Variants in PHEX observed in about 807,000 individuals in gnomAD.
The protein encoded by PHEX is phosphate-regulating neutral endopeptidase PHEX.
Under a neutral mutation model 68.0 loss-of-function variants are expected in PHEX, and 16 were observed. The ratio of observed to expected loss-of-function variants is 0.24; its 90% CI spans 0.16 to 0.36. The LOEUF is 0.36. Among genes scored for constraint, PHEX ranks in the 10% least tolerant of loss-of-function variants. PHEX has a pLI of 1.00. For synonymous variants in PHEX, 208 were observed against 205.1 expected, an observed-to-expected ratio of 1.01 and a Z score of -0.12; for missense variants, 480 against 575.5, an observed-to-expected ratio of 0.83 and a Z score of 1.70.
intron 19 of PHEX, among the ~76,000 whole-genome samples, chrX:22,227,086 T>C (rs1289502927): frequency 8.9e-6 from 1 of 112,498 alleles, no homozygotes. Flanking sequence ...TATATTCTAG[T>C]TGAAATATAC....
rs56273956 is a variant in PHEX, at chrX:22,144,749, G to GAA, written c.1404+11136_1404+11137dup. Among the ~76,000 whole-genome samples the GAA allele has an allele frequency of 4.9e-3, 480 of 97,853 alleles. 2 individuals carry two copies. The highest frequency in any genetic ancestry group is 0.013 in the African/African-American group (357 of 27,103). 85.0% of individuals were successfully genotyped at this position (97,853 alleles called of 115,157 possible). A position where few individuals can be genotyped will look rare whatever the true frequency, so the allele number is the denominator to read the frequency against. On this transcript the variant is annotated intron_variant, in intron 12 of 21. Transcript: ENST00000379374. ...CAAAATTGTTTGCTTTCTTTTTTTT[G>GAA]AAAAAAAAAAAATGGTTGATTTGAA...
intron 20 of PHEX, among the ~76,000 whole-genome samples, chrX:22,228,977 C>G (rs5951730): frequency 0.078 from 8,674 of 111,115 alleles, 306 homozygotes; most frequent in East Asian, 0.22. Context: ...TGAGAACATG[C>G]GGGGTTTGGT....
At chrX:22,084,539 GTTTT>G (rs76410908) in intron 5 of PHEX, among the ~76,000 whole-genome samples, 1,754 of 75,801 alleles carry the variant, frequency 0.023, 59 homozygotes, top group African/African-American at 0.08. Flanking sequence ...CTTCTCTTCA[GTTTT>G]TTTTTTTTTT....
At position 22,133,628 on chromosome X, in the gene PHEX, A is replaced by G; in HGVS notation, c.1404+4A>G. 8.6e-7 allele frequency: 1 copy of G among 1,156,197 alleles called. No homozygotes were observed. The highest frequency in any genetic ancestry group is 3.0e-5 in the East Asian group (1 of 33,609). ...GAAAAGGAAAGCCAAAGAAAAGGTAAGGATTCCTTTTGATGAAAAAAAAAT... is the reference window on the plus strand; with the variant it reads ...GAAAAGGAAAGCCAAAGAAAAGGTAGGGATTCCTTTTGATGAAAAAAAAAT... On this transcript the variant is annotated splice_donor_region_variant and intron_variant, in intron 12 of 21. Coordinates refer to ENST00000379374, the MANE Select transcript of PHEX (RefSeq NM_000444.6).
At chrX:22,208,837 T>C (rs1261179355) in intron 15 of PHEX, among the ~76,000 whole-genome samples, 1 of 112,213 alleles carries the variant, frequency 8.9e-6, no homozygotes, top group Non-Finnish European at 1.9e-5. Flanking sequence ...CACTGTGCTA[T>C]GCAAAAGTAT....
rs3085228 is a variant in PHEX, at chrX:22,185,756, G to GT, written c.1587-4671dup. Among the ~76,000 whole-genome samples the GT allele has an allele frequency of 2.3e-3, 202 of 87,751 alleles. 3 individuals are homozygous for GT. The South Asian group carries it at 0.024, about 11-fold the overall frequency. The allele number at this position is 87,751 out of a possible 115,157, so 76.2% of individuals were successfully genotyped here. ...CTCAGCTGCATGGTTCTCGTTTGTGGTTTTTTTTTTTTTTTTTGGACACAG... is the reference window on the plus strand; with the variant it reads ...CTCAGCTGCATGGTTCTCGTTTGTGGTTTTTTTTTTTTTTTTTTGGACACAG... On this transcript the variant is annotated intron_variant, in intron 14 of 21. Transcript: ENST00000379374.
chrX:22,222,151 C>T lies in PHEX; in HGVS notation c.1899+408C>T, dbSNP rs1164736694. On this transcript the variant is annotated intron_variant, in intron 18 of 21. Transcript: ENST00000379374. Reference sequence around the variant, plus strand: ...CCACTGCTCATTCAGGCAGAGAAACCAGAGTCTGTATCCTTGAATGGTGTC... The same window carrying T: ...CCACTGCTCATTCAGGCAGAGAAACTAGAGTCTGTATCCTTGAATGGTGTC... Among the ~76,000 whole-genome samples the T allele has an allele frequency of 2.7e-5, 3 of 111,808 alleles. No homozygotes were observed. The East Asian group carries it at 8.4e-4, about 31-fold the overall frequency.
rs183230220 is a variant in PHEX, at chrX:22,057,539, C to G, written c.349+10328C>G. Among the ~76,000 whole-genome samples the G allele has an allele frequency of 2.0e-3, 216 of 109,917 alleles. 1 individual carries two copies. The highest frequency in any genetic ancestry group is 7.0e-3 in the African/African-American group (211 of 29,999). ...TGGGGAGGCCAAGGTTGCAGTGAGC[C>G]AAGACTGCACAACTGCACTTCATCC... On this transcript the variant is annotated intron_variant, in intron 3 of 21. Transcript: ENST00000379374.
chrX:22,213,098 T>A (rs1402332486), intron 16 of PHEX, 140 bp downstream of exon 16: 15 of 525,356 alleles, frequency 2.9e-5, no homozygotes, highest in Non-Finnish European at 5.1e-5. Context: ...TGTACTCTTA[T>A]CATTTTAGGT....
intron 12 of PHEX, among the ~76,000 whole-genome samples, chrX:22,139,077 T>C (rs1199073346): frequency 1.8e-5 from 2 of 112,265 alleles, no homozygotes; most frequent in Non-Finnish European, 3.8e-5. Context: ...CCTTATTGAC[T>C]GTATGACCCT....
intron 18 of PHEX, among the ~76,000 whole-genome samples, chrX:22,223,663 T>G (rs1250887391): frequency 2.1e-5 from 2 of 94,009 alleles, no homozygotes; most frequent in African/African-American, 7.5e-5. Context: ...GTGGAAGAAT[T>G]GTTGGAACCC....
chrX:22,076,988 A>G (rs1192704426), intron 4 of PHEX, among the ~76,000 whole-genome samples: 1 of 112,174 alleles, frequency 8.9e-6, no homozygotes, highest in Non-Finnish European at 1.9e-5. Context: ...CAAGCCCACC[A>G]CAGGAAGAAG....
At chrX:22,246,760 AAAC>A (rs1936403569) in intron 21 of PHEX, among the ~76,000 whole-genome samples, 1 of 112,286 alleles carries the variant, frequency 8.9e-6, no homozygotes, top group Non-Finnish European at 1.9e-5. Context: ...TATTCAGCTA[AAAC>A]AACAAGAGGT....
At position 22,077,576 on chromosome X, in the gene PHEX, T is replaced by A. The variant is rs137961493; in HGVS notation, c.537T>A (p.Val179=). Residue 179 remains valine (V), a synonymous_variant, in exon 5 of 22, where the codon GTT becomes GTA. Transcript: ENST00000379374. ...VLESNIGPEG[V]WSERKFSLLQ... ...AATCTAATATTGGCCCTGAAGGGGT[T>A]TGGTCAGAGAGAAAGTTCAGCCTTC... is the stretch of plus-strand genomic sequence containing the variant. The A allele has an allele frequency of 1.3e-3, 1,521 of 1,209,552 alleles. 8 individuals carry two copies. The African/African-American group carries it at 0.023, about 18-fold the overall frequency.
chrX:22,060,154 CAAA>C (rs34000062), intron 3 of PHEX, among the ~76,000 whole-genome samples: 2 of 69,947 alleles, frequency 2.9e-5, no homozygotes. Context: ...AGCCCTGTCT[CAAA>C]AAAAAAAAAA....
intron 13 of PHEX, chrX:22,171,696 T>C (rs1338941563): frequency 9.9e-5 from 11 of 111,312 alleles, no homozygotes; most frequent in African/African-American, 3.3e-4. Flanking sequence ...AAGGATGATA[T>C]GATAGATTGT....
intron 20 of PHEX, among the ~76,000 whole-genome samples, chrX:22,243,617 A>G (rs757589914): frequency 7.1e-5 from 8 of 112,421 alleles, no homozygotes; most frequent in Non-Finnish European, 1.5e-4. Context: ...AAGTGAGTGA[A>G]GGGTATGAAC....
At chrX:22,143,231 G>A (rs1932541756) in intron 12 of PHEX, among the ~76,000 whole-genome samples, 1 of 112,053 alleles carries the variant, frequency 8.9e-6, no homozygotes, top group South Asian at 3.7e-4. Flanking sequence ...GCAGATTATA[G>A]TGACTACAGT....
At chrX:22,036,423 C>T (rs1471051898) in intron 1 of PHEX, among the ~76,000 whole-genome samples, 1 of 111,203 alleles carries the variant, frequency 9.0e-6, no homozygotes, top group Non-Finnish European at 1.9e-5. Context: ...GATTTTACTT[C>T]TTCCTTTGAG....
Sources: gnomAD v4.1 joint callset for allele counts (sites outside exome capture counted in the v4.1 genomes callset) on GRCh38, gnomAD v4.1.1 for gene constraint, MANE v1.5 for transcripts, NCBI Gene and HGNC (gene_info 2026-07-23, HGNC 2026-07-21) for gene names.